MARK2: variants seen among roughly 807,000 people sequenced by gnomAD.
MARK2 encodes the protein microtubule affinity regulating kinase 2.
Under a neutral mutation model 89.8 loss-of-function variants are expected in MARK2, and 16 were observed. The observed-to-expected ratio is 0.18, with a 90% CI of 0.12 to 0.27. The LOEUF is 0.27. Among genes scored for constraint, MARK2 ranks in the 10% least tolerant of loss-of-function variants. The pLI, the probability that MARK2 is intolerant of heterozygous loss-of-function variation, is 1.00. For missense variants in MARK2, 621 were observed against 1,049.9 expected, an observed-to-expected ratio of 0.59 and a Z score of 5.65; for synonymous variants, 382 against 399.5, an observed-to-expected ratio of 0.96 and a Z score of 0.52.
At chr11:63,855,167 T>G (rs2016776837) in intron 1 of MARK2, among the ~76,000 whole-genome samples, 1 of 152,120 alleles carries the variant, frequency 6.6e-6, no homozygotes. Context: ...TTGGAAATTC[T>G]GCACAATTCA....
intron 1 of MARK2, among the ~76,000 whole-genome samples, chr11:63,881,747 G>T (rs1157054681): frequency 1.3e-5 from 2 of 151,962 alleles, no homozygotes; most frequent in Non-Finnish European, 2.9e-5. Context: ...GGAGTTTGAG[G>T]CCAGCCTGGG....
Position 63,910,652 on chromosome 11 carries a change from A to ATTTTTTATTATTTTATTTTATTT in MARK2, c.*1421_*1422insATTATTTTATTTTATTTTTTTTT. The ATTTTTTATTATTTTATTTTATTT allele has an allele frequency of 7.3e-6, 1 of 137,440 alleles. No homozygotes were observed. The highest frequency in any genetic ancestry group is 2.1e-4 in the East Asian group (1 of 4,670). The allele number at this position is 137,440 out of a possible 1,614,324, so 8.5% of individuals were successfully genotyped here. ...GTTTTATTTTTTATTATTTTATTTTATTTTTTTTTTTTTTGATTTATGATG... is the reference window on the plus strand; with the variant it reads ...GTTTTATTTTTTATTATTTTATTTTATTTTTTATTATTTTATTTTATTTTTTTTTTTTTTTTTGATTTATGATG... On this transcript the variant is annotated 3_prime_UTR_variant, in exon 19 of 19. Transcript: ENST00000402010.
chr11:63,865,201 G>T (rs10792422), intron 1 of MARK2, among the ~76,000 whole-genome samples: 73,292 of 152,134 alleles, frequency 0.48, 19,906 homozygotes, highest in East Asian at 0.88. Context: ...CAGTTATGTA[G>T]TTATGTGCCA....
intron 1 of MARK2, among the ~76,000 whole-genome samples, chr11:63,867,112 C>T (rs553365522): frequency 6.8e-4 from 103 of 152,282 alleles, no homozygotes; most frequent in African/African-American, 2.1e-3. Context: ...CTGCAACCTC[C>T]GCCTCTCAGG....
At chr11:63,847,545 C>A (rs2016345080) in intron 1 of MARK2, among the ~76,000 whole-genome samples, 2 of 152,170 alleles carry the variant, frequency 1.3e-5, no homozygotes, top group African/African-American at 2.4e-5. Flanking sequence ...TTCTTGTGTG[C>A]TCTTTGGGAA....
In MARK2 at chr11:63,909,233, T is replaced by C; in HGVS notation, c.2363T>C (p.Leu788Pro). Residue 788 changes from leucine (L) to proline (P), a missense_variant, in exon 19 of 19, where the codon CTT (leucine) becomes CCT (proline). Around this residue, in one of 5 missense-constraint regions of MARK2, gnomAD observed 33 missense variants for 74.5 expected, o/e 0.44. Coordinates refer to ENST00000402010, the MANE Select transcript of MARK2 (RefSeq NM_001039469.3). The part of the protein sequence containing the change: ...IASKIANELK[L>P] Reference sequence around the variant, plus strand: ...TCCAAAATAGCCAACGAGCTGAAGCTTTAACAGGCTGCCAGGAGCGGGGGC... The same window carrying C: ...TCCAAAATAGCCAACGAGCTGAAGCCTTAACAGGCTGCCAGGAGCGGGGGC... 6.3e-7 allele frequency: 1 copy of C among 1,584,698 alleles called. No individual in the cohort carries two copies. The highest frequency in any genetic ancestry group is 8.6e-7 in the Non-Finnish European group (1 of 1,156,946).
In MARK2 at chr11:63,909,282, G is replaced by C; in HGVS notation, c.*45G>C. The C allele has an allele frequency of 6.6e-7, 1 of 1,511,712 alleles. No individual in the cohort carries two copies. The highest frequency in any genetic ancestry group is 8.9e-7 in the Non-Finnish European group (1 of 1,126,824). The allele number at this position is 1,511,712 out of a possible 1,614,324, so 93.6% of individuals were successfully genotyped here. ...GCGGCGGGGGCGGGCCAGCTGGACG[G>C]GCTGCCGGCCGCTGCGCCGCCCCAC... is the stretch of plus-strand genomic sequence containing the variant. On this transcript the variant is annotated 3_prime_UTR_variant, in exon 19 of 19. Coordinates refer to ENST00000402010, the MANE Select transcript of MARK2 (RefSeq NM_001039469.3).
At chr11:63,888,949 C>G in intron 1 of MARK2, 1 of 1,351,660 alleles carries the variant, frequency 7.4e-7, no homozygotes. Context: ...TAGTCCTTTT[C>G]CCTTTCTCCA....
intron 1 of MARK2, among the ~76,000 whole-genome samples, chr11:63,870,338 G>A (rs1360297008): frequency 6.6e-6 from 1 of 152,174 alleles, no homozygotes; most frequent in African/African-American, 2.4e-5. Context: ...TTCCCAGAGT[G>A]TTGGGATTGC....
At chr11:63,877,095 A>G (rs1938804230) in intron 1 of MARK2, among the ~76,000 whole-genome samples, 1 of 139,928 alleles carries the variant, frequency 7.1e-6, no homozygotes, top group Non-Finnish European at 1.5e-5. Context: ...CAGTTCAATC[A>G]GACTCTTTTT....
rs1230238760 is a variant in MARK2 at position 63,908,321 on chromosome 11, CA to C, written c.2006+18del. The C allele has an allele frequency of 3.2e-6, 5 of 1,555,384 alleles. No homozygotes were observed. The highest frequency in any genetic ancestry group is 1.4e-5 in the African/African-American group (1 of 73,406). The stretch of plus-strand genomic sequence containing the variant: ...GACGCTCAGGTGAGAGGGCTGGAGC[CA>C]GCACTGGCCCTGCCCGGGCCACCGG... On this transcript the variant is annotated intron_variant, in intron 18 of 18. Coordinates refer to ENST00000402010, the MANE Select transcript of MARK2 (RefSeq NM_001039469.3).
chr11:63,839,813 C>T (rs1376911540), intron 1 of MARK2, among the ~76,000 whole-genome samples: 1 of 152,036 alleles, frequency 6.6e-6, no homozygotes, highest in Non-Finnish European at 1.5e-5. Context: ...CTCCTGCGCT[C>T]TTCCGTGTCA....
intron 1 of MARK2, among the ~76,000 whole-genome samples, chr11:63,871,192 C>G (rs773300724): frequency 1.3e-5 from 2 of 152,224 alleles, no homozygotes; most frequent in African/African-American, 2.4e-5. Flanking sequence ...GAAGCCATCA[C>G]TTCCTTTTCC....
At chr11:63,869,260 T>C (rs548214750) in intron 1 of MARK2, 148 of 156,664 alleles carry the variant, frequency 9.4e-4, no homozygotes, top group African/African-American at 3.5e-3. Context: ...TGCTGCTTGC[T>C]AGGCTTTGCC....
chr11:63,874,278 A>T (rs1938616698), intron 1 of MARK2, among the ~76,000 whole-genome samples: 1 of 152,226 alleles, frequency 6.6e-6, no homozygotes, highest in African/African-American at 2.4e-5. Context: ...AAGTGGTCAC[A>T]GAAAGTTCTG....
intron 1 of MARK2, among the ~76,000 whole-genome samples, chr11:63,852,154 C>T (rs2016604211): frequency 6.6e-6 from 1 of 152,188 alleles, no homozygotes; most frequent in Non-Finnish European, 1.5e-5. Context: ...ATTCTTCTGG[C>T]TAATGAAATG....
rs139215248 is a variant in MARK2 at position 63,886,953 on chromosome 11, G to A, written c.55-8206G>A. 3.5e-4 allele frequency among the ~76,000 whole-genome samples: 54 copies of A among 152,362 alleles called. 1 individual carries two copies. In the East Asian group the frequency reaches 0.01, roughly 29 times the overall value. ...TCAGTCTACCAGTGAGTGAAGGGCC[G>A]GAGGGCCCGGGCAAGCTTGAGCCCA... On this transcript the variant is annotated intron_variant, in intron 1 of 18. Transcript: ENST00000402010.
chr11:63,873,620 C>T (rs556285906), intron 1 of MARK2, among the ~76,000 whole-genome samples: 3 of 152,242 alleles, frequency 2.0e-5, no homozygotes, highest in Non-Finnish European at 4.4e-5. Flanking sequence ...GCAGCCCGAC[C>T]CTGCTGAATG....
At chr11:63,863,316 C>T (rs1469423633) in intron 1 of MARK2, among the ~76,000 whole-genome samples, 5 of 151,988 alleles carry the variant, frequency 3.3e-5, no homozygotes, top group Non-Finnish European at 7.4e-5. Context: ...TGCTTTATGT[C>T]TCTCTACAGA....
Sources: gnomAD v4.1 joint callset for allele counts (sites outside exome capture counted in the v4.1 genomes callset) on GRCh38, gnomAD v4.1.1 for gene constraint, gnomAD v4.1.1 regional missense constraint, MANE v1.5 for transcripts, NCBI Gene and HGNC (gene_info 2026-07-23, HGNC 2026-07-21) for gene names.